KIF6: variants seen among roughly 807,000 people sequenced by gnomAD.
KIF6 encodes the protein kinesin family member 6, also known as kinesin-like protein KIF6.
A neutral mutation model predicts 112.7 loss-of-function variants in KIF6; 106 were observed. That is an observed-to-expected ratio of 0.94 (90% confidence interval 0.80 to 1.11). The LOEUF (loss-of-function observed/expected upper bound fraction) is 1.11, where lower values mean the gene tolerates loss of function less well. Ranked by LOEUF, KIF6 falls within the 50% of genes least tolerant of loss-of-function variation. KIF6 has a pLI of 0.00. For missense variants in KIF6, 929 were observed against 964.0 expected (o/e 0.96, Z 0.48); for synonymous variants, 339 against 339.9 (o/e 1.00, Z 0.03).
intron 19 of KIF6, among the ~76,000 whole-genome samples, chr6:39,350,348 A>G (rs1479872280): frequency 6.6e-6 from 1 of 152,080 alleles, no homozygotes; most frequent in Non-Finnish European, 1.5e-5. Context: ...CCTAAACACA[A>G]CTGCTGTGAG....
chr6:39,496,090 T>A (rs1212106580), intron 13 of KIF6, among the ~76,000 whole-genome samples: 1 of 152,210 alleles, frequency 6.6e-6, no homozygotes, highest in Non-Finnish European at 1.5e-5. Flanking sequence ...CAGCCTGTTT[T>A]TCTTCTTTCC....
intron 2 of KIF6, chr6:39,718,275 T>C (rs903376012): frequency 3.4e-5 from 5 of 145,892 alleles, no homozygotes; most frequent in African/African-American, 5.1e-5. Flanking sequence ...ATAGGGTCCA[T>C]AGATAAAGAC....
chr6:39,348,111 G>A (rs1763948414), intron 19 of KIF6, among the ~76,000 whole-genome samples: 1 of 152,258 alleles, frequency 6.6e-6, no homozygotes. Context: ...AGAAGGGAAG[G>A]AGAAAGGGCT....
intron 3 of KIF6, among the ~76,000 whole-genome samples, chr6:39,670,051 C>A (rs1272732448): frequency 2.0e-5 from 3 of 152,150 alleles, no homozygotes; most frequent in South Asian, 2.1e-4. Flanking sequence ...TGAGAAGGTC[C>A]TTACACCCGT....
chr6:39,583,447 G>A (rs1781408796), intron 9 of KIF6: 2 of 471,566 alleles, frequency 4.2e-6, no homozygotes, highest in African/African-American at 4.0e-5. Context: ...GGTTTCTGCA[G>A]AAGAGAACTC....
chr6:39,409,598 G>T (rs903850729), intron 15 of KIF6, among the ~76,000 whole-genome samples: 3 of 152,208 alleles, frequency 2.0e-5, no homozygotes, highest in African/African-American at 7.2e-5. Flanking sequence ...GGCTGCACAT[G>T]CATACTTTTA....
intron 6 of KIF6, among the ~76,000 whole-genome samples, chr6:39,602,625 T>C (rs575097403): frequency 6.6e-6 from 1 of 152,324 alleles, no homozygotes; most frequent in East Asian, 1.9e-4. Context: ...ATTCTGTGAC[T>C]ACATCTGCAA....
chr6:39,401,739 A>G (rs986055690), intron 15 of KIF6, among the ~76,000 whole-genome samples: 1 of 152,064 alleles, frequency 6.6e-6, no homozygotes, highest in Non-Finnish European at 1.5e-5. Flanking sequence ...TAGTGTGCAC[A>G]TGCCTGGCAT....
chr6:39,581,816 C>T (rs772417959), intron 9 of KIF6, among the ~76,000 whole-genome samples: 1 of 152,158 alleles, frequency 6.6e-6, no homozygotes, highest in Non-Finnish European at 1.5e-5. Context: ...ACTGCAGCCT[C>T]AGCTTAGTTT....
At chr6:39,373,555 A>G (rs1221384924) in intron 16 of KIF6, among the ~76,000 whole-genome samples, 1 of 152,252 alleles carries the variant, frequency 6.6e-6, no homozygotes, top group Non-Finnish European at 1.5e-5. Context: ...AAAAGCCAGT[A>G]GCATTTCTAT....
At chr6:39,551,075 A>T (rs1192357414) in intron 10 of KIF6, among the ~76,000 whole-genome samples, 1 of 152,220 alleles carries the variant, frequency 6.6e-6, no homozygotes, top group African/African-American at 2.4e-5. Flanking sequence ...TATCTCTTCC[A>T]TATACTGATT....
chr6:39,602,368 T>C (rs920907338), intron 6 of KIF6, among the ~76,000 whole-genome samples: 8 of 152,174 alleles, frequency 5.3e-5, no homozygotes, highest in African/African-American at 1.4e-4. Flanking sequence ...ATCTCCAGTG[T>C]AGCAAAACTT....
At chr6:39,670,083 T>C (rs911209201) in intron 3 of KIF6, among the ~76,000 whole-genome samples, 1 of 152,146 alleles carries the variant, frequency 6.6e-6, no homozygotes, top group Non-Finnish European at 1.5e-5. Flanking sequence ...GAGCAGTCCA[T>C]GAAGCTCTGC....
rs539465707 is a variant in KIF6, at chr6:39,441,613, G to A, written c.1646-10452C>T. ...TTTGAGGGGTTGCTGCGCTGGTACC[G>A]CAGGGTATGAAATCTGAGGATGAGG... On this transcript the variant is annotated intron_variant, in intron 13 of 22. Coordinates refer to ENST00000287152, the MANE Select transcript of KIF6 (RefSeq NM_145027.6). 7.9e-5 allele frequency among the ~76,000 whole-genome samples: 12 copies of A among 152,278 alleles called. No homozygotes were observed. The South Asian group carries it at 1.5e-3, about 18-fold the overall frequency.
At chr6:39,717,378 G>A (rs1422980099) in intron 2 of KIF6, among the ~76,000 whole-genome samples, 1 of 152,072 alleles carries the variant, frequency 6.6e-6, no homozygotes, top group East Asian at 1.9e-4. Flanking sequence ...CCCCATTAGG[G>A]ATTTCACTCT....
rs1414726849 is a variant in KIF6, at chr6:39,332,522, G to A, written c.*4010C>T. On this transcript the variant is annotated 3_prime_UTR_variant, in exon 23 of 23. Transcript: ENST00000287152. Reference sequence around the variant, plus strand: ...GGGACCAGAGCAATCTATCATCTAGGACTAATTTGGCCCCACTTCTGAGGC... The same window carrying A: ...GGGACCAGAGCAATCTATCATCTAGAACTAATTTGGCCCCACTTCTGAGGC... 1 of 152,116 alleles carries A rather than the reference G, an allele frequency of 6.6e-6. No homozygotes were observed. Among genetic ancestry groups the A allele is most frequent in the African/African-American group, 2.4e-5 (1 of 41,394 alleles). The allele number at this position is 152,116 out of a possible 1,614,324, so 9.4% of individuals were successfully genotyped here. A position where few individuals can be genotyped will look rare whatever the true frequency, so the allele number is the denominator to read the frequency against.
Position 39,346,049 on chromosome 6 carries a change from G to GCTCTCTCTCTCTCTCTCT in KIF6, c.2232-278_2232-261dup, listed in dbSNP as rs1203700665. On this transcript the variant is annotated intron_variant, in intron 20 of 22. Coordinates refer to ENST00000287152, the MANE Select transcript of KIF6 (RefSeq NM_145027.6). ...TAAGAGGAGGATGAGAAACTACAGT[G>GCTCTCTCTCTCTCTCTCT]CTCTCTCTCTCTCTCTCTCTCTCTC... Among the ~76,000 whole-genome samples the GCTCTCTCTCTCTCTCTCT allele has an allele frequency of 1.3e-3, 38 of 29,004 alleles. 7 individuals are homozygous for GCTCTCTCTCTCTCTCTCT. Among genetic ancestry groups the GCTCTCTCTCTCTCTCTCT allele is most frequent in the Non-Finnish European group, 1.6e-3 (25 of 15,410 alleles). The allele number at this position is 29,004 out of a possible 152,430, so 19.0% of individuals were successfully genotyped here.
chr6:39,440,622 CTCT>C (rs79670509), intron 13 of KIF6, among the ~76,000 whole-genome samples: 8,397 of 152,156 alleles, frequency 0.055, 437 homozygotes, highest in East Asian at 0.24. Flanking sequence ...TCTCTCCCCT[CTCT>C]TCTTTAGTTG....
chr6:39,458,318 A>G lies in KIF6; in HGVS notation c.1646-27157T>C, dbSNP rs866395284. Among the ~76,000 whole-genome samples, 799 of 150,688 alleles carry G rather than the reference A, an allele frequency of 5.3e-3. 6 individuals carry two copies. The highest frequency in any genetic ancestry group is 0.016 in the African/African-American group (660 of 40,782). ...CAGAAAAAGCCTTTGACAAAATTCA[A>G]CAACTCTTCATGCTAAAAACTCTCA... is the stretch of plus-strand genomic sequence containing the variant. On this transcript the variant is annotated intron_variant, in intron 13 of 22. Coordinates refer to ENST00000287152, the MANE Select transcript of KIF6 (RefSeq NM_145027.6).
Sources: allele counts gnomAD v4.1 joint callset (sites outside exome capture counted in the v4.1 genomes callset), GRCh38; gene constraint gnomAD v4.1.1; transcripts MANE v1.5; gene names NCBI Gene and HGNC (gene_info 2026-07-23, HGNC 2026-07-21).